AKAP19: variants seen among roughly 807,000 people sequenced by gnomAD.
AKAP19 encodes the protein small A-kinase anchoring protein.
At chr2:190,133,005 G>T in the AKAP19 span, among the ~76,000 whole-genome samples, 3 of 152,002 alleles carry the variant, frequency 2.0e-5, no homozygotes. Flanking sequence ...GGGAGGCCAA[G>T]GTGGGCGGAT....
At chr2:190,173,116 A>AAAAAT in the AKAP19 span, among the ~76,000 whole-genome samples, 14 of 149,274 alleles carry the variant, frequency 9.4e-5, no homozygotes, top group Non-Finnish European at 2.0e-4. Context: ...CTCCATCTCA[A>AAAAAT]AAAAAATAAA....
the AKAP19 span, among the ~76,000 whole-genome samples, chr2:190,101,915 T>G: frequency 1.3e-5 from 2 of 152,106 alleles, no homozygotes; most frequent in African/African-American, 4.8e-5. Flanking sequence ...CATCTATACA[T>G]GAAACATTCT....
the AKAP19 span, among the ~76,000 whole-genome samples, chr2:190,069,563 T>G: frequency 6.6e-6 from 1 of 152,192 alleles, no homozygotes; most frequent in African/African-American, 2.4e-5. Flanking sequence ...AGTAATAGCC[T>G]TAGAAAAATT....
the AKAP19 span, chr2:190,202,136 C>T: frequency 6.0e-6 from 1 of 166,924 alleles, no homozygotes; most frequent in Non-Finnish European, 1.5e-5. Flanking sequence ...CACTATTTCC[C>T]AGGGGTGTGA....
chr2:189,992,349 C>T, the AKAP19 span, among the ~76,000 whole-genome samples: 1 of 152,262 alleles, frequency 6.6e-6, no homozygotes, highest in African/African-American at 2.4e-5. Flanking sequence ...AGCCACCACT[C>T]CTGGCCACAA....
At chr2:190,142,294 C>A in the AKAP19 span, among the ~76,000 whole-genome samples, 4 of 152,178 alleles carry the variant, frequency 2.6e-5, no homozygotes, top group Admixed American at 2.0e-4. Context: ...TGTCATTAGA[C>A]ACAATGATTT....
chr2:189,891,182 G>A, the AKAP19 span, among the ~76,000 whole-genome samples: 1 of 149,862 alleles, frequency 6.7e-6, no homozygotes, highest in Non-Finnish European at 1.5e-5. Context: ...AGCTTAGTTT[G>A]GCTAGATATG....
chr2:189,881,997 A>G, the AKAP19 span, among the ~76,000 whole-genome samples: 4 of 152,188 alleles, frequency 2.6e-5, no homozygotes, highest in African/African-American at 9.6e-5. Context: ...CTTTGATGGA[A>G]CTTTGTTCCA....
At chr2:189,979,174 TCAATCTATACTA>T in the AKAP19 span, among the ~76,000 whole-genome samples, 2 of 152,062 alleles carry the variant, frequency 1.3e-5, no homozygotes, top group African/African-American at 4.8e-5. Context: ...TTACCTAACT[TCAATCTATACTA>T]CAAGGCTATA....
the AKAP19 span, among the ~76,000 whole-genome samples, chr2:189,970,748 T>C: frequency 1.3e-5 from 2 of 152,232 alleles, no homozygotes; most frequent in Admixed American, 1.3e-4. Context: ...TCACAGGCTG[T>C]ACGTATTTTC....
At chr2:190,126,108 T>G in the AKAP19 span, among the ~76,000 whole-genome samples, 2 of 151,188 alleles carry the variant, frequency 1.3e-5, no homozygotes, top group Non-Finnish European at 1.5e-5. Context: ...CTGGCCAACA[T>G]GATGAAATCC....
At chr2:190,068,630 T>C in the AKAP19 span, among the ~76,000 whole-genome samples, 1 of 152,178 alleles carries the variant, frequency 6.6e-6, no homozygotes, top group Non-Finnish European at 1.5e-5. Flanking sequence ...CCACTGCACC[T>C]GGCCAGAACA....
chr2:190,004,845 A>G, the AKAP19 span, among the ~76,000 whole-genome samples: 3 of 152,318 alleles, frequency 2.0e-5, no homozygotes, highest in Non-Finnish European at 2.9e-5. Flanking sequence ...GTTCAAGGTT[A>G]TGAACACTGT....
chr2:189,889,045 C>T, the AKAP19 span, among the ~76,000 whole-genome samples: 2,488 of 152,202 alleles, frequency 0.016, 37 homozygotes, highest in Non-Finnish European at 0.024. Flanking sequence ...AGCTTTTGCC[C>T]ATTCAGTATG....
the AKAP19 span, among the ~76,000 whole-genome samples, chr2:190,179,546 C>T: frequency 1.3e-5 from 2 of 152,300 alleles, no homozygotes; most frequent in South Asian, 2.1e-4. The surrounding 1 kb of genome is among the most constrained non-coding windows in gnomAD (Gnocchi z 6.0). Context: ...TTCTGGGCCA[C>T]TGGGTTTGTA....
At chr2:190,118,086 C>T in the AKAP19 span, among the ~76,000 whole-genome samples, 1 of 152,192 alleles carries the variant, frequency 6.6e-6, no homozygotes, top group South Asian at 2.1e-4. Context: ...GTACTGTAAA[C>T]ACCTCTACGC....
chr2:190,051,682 G>T, the AKAP19 span, among the ~76,000 whole-genome samples: 6 of 152,152 alleles, frequency 3.9e-5, no homozygotes, highest in Non-Finnish European at 7.4e-5. Context: ...GTCTGGTGCT[G>T]TAAGGAACTT....
chr2:190,191,752 A>G, the AKAP19 span, among the ~76,000 whole-genome samples: 1 of 152,200 alleles, frequency 6.6e-6, no homozygotes. Flanking sequence ...TATATTTGCT[A>G]TCTATAGGTG....
the AKAP19 span, among the ~76,000 whole-genome samples, chr2:189,885,416 T>G: frequency 6.6e-6 from 1 of 152,232 alleles, no homozygotes; most frequent in Non-Finnish European, 1.5e-5. Context: ...TTCCCAGTTG[T>G]TACAATCATC....
Sources: gnomAD v4.1 joint callset for allele counts (sites outside exome capture counted in the v4.1 genomes callset) on GRCh38, gnomAD v4.1.1 for gene constraint, Gnocchi (gnomAD v3.1) non-coding constraint, MANE v1.5 for transcripts, NCBI Gene and HGNC (gene_info 2026-07-23, HGNC 2026-07-21) for gene names.